EIF3B: variants seen among roughly 807,000 people sequenced by gnomAD.
The protein encoded by EIF3B is eukaryotic translation initiation factor 3 subunit B.
In EIF3B, 10 loss-of-function variants were observed where a neutral mutation model predicts 104.6. The observed-to-expected ratio is 0.10, with a 90% CI of 0.06 to 0.16. EIF3B has a LOEUF of 0.16. Ranked by LOEUF, EIF3B falls within the 10% of genes least tolerant of loss-of-function variation. The pLI, the probability that EIF3B is intolerant of heterozygous loss-of-function variation, is 1.00. For synonymous variants in EIF3B, 542 were observed against 417.2 expected (o/e 1.30, Z -3.65); for missense variants, 1,014 against 1,087.9 (o/e 0.93, Z 0.96).
At position 2,360,707 on chromosome 7, in the gene EIF3B, C is replaced by A; in HGVS notation, c.500-3C>A. On this transcript the variant is annotated splice_region_variant and splice_polypyrimidine_tract_variant and intron_variant, in intron 1 of 18. Coordinates refer to ENST00000360876, the MANE Select transcript of EIF3B (RefSeq NM_001037283.2). ...GATCATTTGAAAAATCTCTCTTGTTCAGAATTACTGGGAGATGTACTCAAA... is the reference window on the plus strand; with the variant it reads ...GATCATTTGAAAAATCTCTCTTGTTAAGAATTACTGGGAGATGTACTCAAA... 6.4e-7 allele frequency: 1 copy of A among 1,571,872 alleles called. No homozygotes were observed. The highest frequency in any genetic ancestry group is 1.1e-5 in the South Asian group (1 of 87,414).
chr7:2,379,678 C>T (rs1373169216), intron 18 of EIF3B, 167 bp downstream of exon 18: 30 of 606,178 alleles, frequency 4.9e-5, no homozygotes, highest in Non-Finnish European at 7.9e-5. Flanking sequence ...GAGTCGGTGC[C>T]GACGTGGCCT....
At chr7:2,371,342 T>A (rs1202177325) in intron 10 of EIF3B, among the ~76,000 whole-genome samples, 1 of 152,172 alleles carries the variant, frequency 6.6e-6, no homozygotes, top group Non-Finnish European at 1.5e-5. Flanking sequence ...ATCAGGGCAG[T>A]TTTCCCTCAG....
chr7:2,356,354 T>C (rs1779437238), intron 1 of EIF3B, among the ~76,000 whole-genome samples: 1 of 152,078 alleles, frequency 6.6e-6, no homozygotes, highest in Non-Finnish European at 1.5e-5. Flanking sequence ...GGCTCACGCC[T>C]GTAATCCCAG....
At chr7:2,360,225 A>C (rs930308201) in intron 1 of EIF3B, among the ~76,000 whole-genome samples, 1 of 152,110 alleles carries the variant, frequency 6.6e-6, no homozygotes, top group Admixed American at 6.5e-5. Flanking sequence ...TCACAGCACA[A>C]ATGTGCTGTG....
Position 2,375,213 on chromosome 7 carries a change from C to G in EIF3B, c.1890-176C>G, listed in dbSNP as rs749273650. On this transcript the variant is annotated intron_variant, in intron 13 of 18. Transcript: ENST00000360876. ...TCATATGTAATACTCACTGCACACT[C>G]TGCATCTGTGATTTGGTAAGTCTCA... 5 of 678,926 alleles carry G rather than the reference C, an allele frequency of 7.4e-6. 1 individual carries two copies. In the South Asian group the frequency reaches 8.7e-5, roughly 12 times the overall value. The allele number at this position is 678,926 out of a possible 1,614,324, so 42.1% of individuals were successfully genotyped here. A position where few individuals can be genotyped will look rare whatever the true frequency, so the allele number is the denominator to read the frequency against.
At chr7:2,367,166 TC>T in intron 9 of EIF3B, 121 bp downstream of exon 9, 1 of 993,194 alleles carries the variant, frequency 1.0e-6, no homozygotes, top group Non-Finnish European at 1.5e-6. Context: ...GATTTCTTTC[TC>T]CCAGTTCTGG....
intron 1 of EIF3B, among the ~76,000 whole-genome samples, chr7:2,359,025 C>T (rs1779601703): frequency 6.6e-6 from 1 of 151,544 alleles, no homozygotes. Context: ...TCCAGGCTAG[C>T]CTGGGCAGCA....
rs267601465 is a variant in EIF3B, at chr7:2,363,737, C to T, written c.976C>T (p.Pro326Ser). 1.9e-6 allele frequency: 3 copies of T among 1,613,760 alleles called. No homozygotes were observed. The highest frequency in any genetic ancestry group is 2.5e-6 in the Non-Finnish European group (3 of 1,179,912). ...CATATTCTGGAATGACGTAAAAGAC[C>T]CTGTCTCAATTGAAGAAAGAGCGGT... ...TSIFWNDVKDPVSIEERARWT... is the reference protein window; with the variant it reads ...TSIFWNDVKDSVSIEERARWT... The change falls in exon 5 of 19, where the codon CCT becomes TCT. Residue 326 changes from proline to serine, a missense_variant. Pro to Ser is a moderately conservative substitution (Grantham distance 74, BLOSUM62 -1). Transcript: ENST00000360876.
chr7:2,375,272 T>A (rs550433234), intron 13 of EIF3B, 117 bp from the exon 14 acceptor site: 3 of 1,345,512 alleles, frequency 2.2e-6, no homozygotes. Context: ...TGTGCTTGTT[T>A]CCATGTTAAC....
chr7:2,370,558 A>G (rs1425042222), intron 10 of EIF3B, among the ~76,000 whole-genome samples: 1 of 152,154 alleles, frequency 6.6e-6, no homozygotes, highest in African/African-American at 2.4e-5. Flanking sequence ...GCTTTAATTG[A>G]CATGTAGTTC....
rs769410248 is a variant in EIF3B at position 2,364,412 on chromosome 7, C to T, written c.1040C>T (p.Thr347Ile). The part of the protein sequence containing the change: ...ETYVRWSPKG[T>I]YLATFHQRGI... ...TATGTGCGTTGGTCTCCTAAGGGCACCTACCTGGCTACCTTTCATCAAAGA... is the reference window on the plus strand; with the variant it reads ...TATGTGCGTTGGTCTCCTAAGGGCATCTACCTGGCTACCTTTCATCAAAGA... The change falls in exon 6 of 19, where the codon ACC becomes ATC. Residue 347 changes from threonine to isoleucine, a missense_variant. Transcript: ENST00000360876. 1.2e-6 allele frequency: 2 copies of T among 1,612,684 alleles called. No homozygotes were observed.
intron 9 of EIF3B, among the ~76,000 whole-genome samples, chr7:2,367,801 C>A (rs188862698): frequency 7.2e-6 from 1 of 138,702 alleles, no homozygotes; most frequent in African/African-American, 2.8e-5. Flanking sequence ...GGAGAGAAAA[C>A]GGTGAGTTTG....
rs1345897826 is a variant in EIF3B, at chr7:2,374,496, C to G, written c.1811-32C>G. The G allele has an allele frequency of 3.1e-6, 5 of 1,610,196 alleles. No homozygotes were observed. The Admixed American group carries it at 6.7e-5, about 21-fold the overall frequency. On this transcript the variant is annotated intron_variant, in intron 12 of 18. Coordinates refer to ENST00000360876, the MANE Select transcript of EIF3B (RefSeq NM_001037283.2). ...TGCCCCGGCACTGTGGAAGCCCTCG[C>G]AGCTCGTGACAGGCGCGCTCTTTCC...
chr7:2,376,924 C>G (rs1562491771), intron 14 of EIF3B, 26 bp from the exon 15 acceptor site: 4 of 1,608,524 alleles, frequency 2.5e-6, no homozygotes, highest in East Asian at 2.2e-5. Flanking sequence ...CCCTCTGTGT[C>G]CTGGTGTGTC....
At chr7:2,377,212 A>G in intron 15 of EIF3B, 137 bp downstream of exon 15, 1 of 1,201,276 alleles carries the variant, frequency 8.3e-7, no homozygotes, top group East Asian at 2.6e-5. Context: ...CTTTGAAGAG[A>G]CGCAGGAACA....
At chr7:2,377,175 G>A in intron 15 of EIF3B, 100 bp downstream of exon 15, 1 of 1,441,754 alleles carries the variant, frequency 6.9e-7, no homozygotes, top group Middle Eastern at 1.8e-4. Flanking sequence ...GTGACTGGGG[G>A]ATAAAAACGT....
intron 12 of EIF3B, 189 bp from the exon 13 acceptor site, chr7:2,374,339 A>G: frequency 1.9e-6 from 1 of 518,828 alleles, no homozygotes; most frequent in Non-Finnish European, 3.5e-6. Context: ...TTTTTTTCCC[A>G]TTTAAAGTAT....
At position 2,366,886 on chromosome 7, in the gene EIF3B, GC is replaced by G. The variant is rs1780055599; in HGVS notation, c.1357-108del. 1.2e-5 allele frequency: 14 copies of G among 1,144,462 alleles called. No homozygotes were observed. In the South Asian group the frequency reaches 1.9e-4, roughly 16 times the overall value. 70.9% of individuals were successfully genotyped at this position (1,144,462 alleles called of 1,614,324 possible). On this transcript the variant is annotated intron_variant, in intron 8 of 18. Coordinates refer to ENST00000360876, the MANE Select transcript of EIF3B (RefSeq NM_001037283.2). The stretch of plus-strand genomic sequence containing the variant: ...TTCACTGTCACGCTCTGTGTGCACT[GC>G]CCCCTAGGCAAACTCACATCAGACT...
upstream of EIF3B, chr7:2,354,817 T>G (rs1779291995): frequency 2.0e-6 from 2 of 1,008,246 alleles, no homozygotes; most frequent in Middle Eastern, 4.8e-4. Flanking sequence ...GGCCTCCCCG[T>G]CGCACGCACA....
Sources: allele counts gnomAD v4.1 joint callset (sites outside exome capture counted in the v4.1 genomes callset), GRCh38; gene constraint gnomAD v4.1.1; transcripts MANE v1.5; gene names NCBI Gene and HGNC (gene_info 2026-07-23, HGNC 2026-07-21).